The following STK32A variants were observed in gnomAD, a reference collection of about 807,000 sequenced individuals.
STK32A encodes the protein serine/threonine kinase 32A, also known as serine/threonine-protein kinase 32A.
In STK32A, 41 loss-of-function variants were observed where a neutral mutation model predicts 53.2. The ratio of observed to expected loss-of-function variants is 0.77; its 90% confidence interval spans 0.60 to 1.00. STK32A has a LOEUF of 1.00. Among genes scored for constraint, STK32A ranks in the 50% least tolerant of loss-of-function variants. The pLI is 0.00. For missense variants in STK32A, 458 were observed against 485.8 expected (o/e 0.94, Z 0.54); for synonymous variants, 166 against 162.8 (o/e 1.02, Z -0.15).
At chr5:147,378,219 C>T (rs557236919) in intron 11 of STK32A, among the ~76,000 whole-genome samples, 1 of 152,154 alleles carries the variant, frequency 6.6e-6, no homozygotes, top group South Asian at 2.1e-4. Context: ...GCTCACTGGA[C>T]CTGAGTGAAG....
In STK32A at chr5:147,332,949, G is replaced by C. The variant is rs184711691; in HGVS notation, c.434+8878G>C. Among the ~76,000 whole-genome samples the C allele has an allele frequency of 1.8e-3, 269 of 152,318 alleles. 4 individuals carry two copies. Among genetic ancestry groups the C allele is most frequent in the Non-Finnish European group, 2.5e-4 (17 of 68,026 alleles). Reference sequence around the variant, plus strand: ...CCCATGTGAAAAGGCAAAGAGAACTGTCTGTGTACAGGTTAACATTTAACT... The same window carrying C: ...CCCATGTGAAAAGGCAAAGAGAACTCTCTGTGTACAGGTTAACATTTAACT... On this transcript the variant is annotated intron_variant, in intron 5 of 12. Coordinates refer to ENST00000397936, the MANE Select transcript of STK32A (RefSeq NM_001112724.2).
At chr5:147,364,232 A>AG (rs934836734) in intron 8 of STK32A, among the ~76,000 whole-genome samples, 7 of 151,760 alleles carry the variant, frequency 4.6e-5, no homozygotes, top group South Asian at 2.1e-4. Context: ...AAAAAAAAAA[A>AG]AAAGAAATCT....
downstream of STK32A, among the ~76,000 whole-genome samples, chr5:147,389,656 G>C (rs1217946035): frequency 1.3e-5 from 2 of 152,114 alleles, no homozygotes; most frequent in African/African-American, 4.8e-5. Flanking sequence ...ATTACTTGAG[G>C]TCAGGAGTTC....
At chr5:147,299,937 G>T (rs549294169) in intron 4 of STK32A, among the ~76,000 whole-genome samples, 1 of 152,234 alleles carries the variant, frequency 6.6e-6, no homozygotes, top group South Asian at 2.1e-4. Flanking sequence ...CCATACTCCT[G>T]TCTCTCTGGG....
chr5:147,397,396 T>C, the STK32A span, among the ~76,000 whole-genome samples: 1 of 152,318 alleles, frequency 6.6e-6, no homozygotes, highest in South Asian at 2.1e-4. Context: ...GGCCTTATTT[T>C]GAATTATTCG....
intron 6 of STK32A, chr5:147,348,622 C>G: frequency 1.4e-6 from 1 of 732,834 alleles, no homozygotes; most frequent in Non-Finnish European, 2.6e-6. Context: ...GAAATCTATG[C>G]AGACTAAAGT....
At chr5:147,270,251 C>CTGGG (rs1754972195) in intron 2 of STK32A, among the ~76,000 whole-genome samples, 1 of 152,108 alleles carries the variant, frequency 6.6e-6, no homozygotes, top group Non-Finnish European at 1.5e-5. Context: ...GTCACCCAGG[C>CTGGG]TGGGGTGCAG....
intron 7 of STK32A, 139 bp from the exon 8 acceptor site, chr5:147,361,378 A>G: frequency 2.9e-6 from 2 of 686,818 alleles, no homozygotes; most frequent in South Asian, 1.6e-5. Flanking sequence ...GCTGTGAGCA[A>G]TCTAGCAACG....
At chr5:147,340,190 G>C (rs1755336731) in intron 5 of STK32A, among the ~76,000 whole-genome samples, 1 of 152,132 alleles carries the variant, frequency 6.6e-6, no homozygotes, top group Non-Finnish European at 1.5e-5. Flanking sequence ...CTTCTTCACT[G>C]CATCTTATTT....
chr5:147,256,811 C>T (rs1428490601), intron 2 of STK32A, among the ~76,000 whole-genome samples: 1 of 152,148 alleles, frequency 6.6e-6, no homozygotes, highest in Admixed American at 6.6e-5. Flanking sequence ...CGAGCCTGAC[C>T]TGTTTTAAGT....
At chr5:147,399,144 T>A in the STK32A span, 1 of 1,614,230 alleles carries the variant, frequency 6.2e-7, no homozygotes, top group Non-Finnish European at 8.5e-7. Flanking sequence ...ACGAGGTCGC[T>A]GTCAGAACCC....
At chr5:147,371,538 A>C (rs1220050183) in intron 9 of STK32A, among the ~76,000 whole-genome samples, 1 of 152,108 alleles carries the variant, frequency 6.6e-6, no homozygotes, top group Non-Finnish European at 1.5e-5. Flanking sequence ...CTCCAATCCT[A>C]GTTCCTCCAG....
At chr5:147,317,323 C>CTTTTTTTTTTTTTTTTTTTTTTT (rs3064294) in intron 4 of STK32A, among the ~76,000 whole-genome samples, 1 of 81,310 alleles carries the variant, frequency 1.2e-5, no homozygotes, top group African/African-American at 5.0e-5. Context: ...CTTTTTCTTT[C>CTTTTTTTTTTTTTTTTTTTTTTT]TTTTTTTTTT....
chr5:147,277,041 C>G (rs187539975), intron 2 of STK32A, among the ~76,000 whole-genome samples: 1 of 152,168 alleles, frequency 6.6e-6, no homozygotes, highest in Admixed American at 6.5e-5. Flanking sequence ...ATGTTTGACT[C>G]TCAGATATCT....
rs575341324 is a variant in STK32A at position 147,368,567 on chromosome 5, C to T, written c.661-2087C>T. Among the ~76,000 whole-genome samples, 6 of 151,896 alleles carry T rather than the reference C, an allele frequency of 4.0e-5. No homozygotes were observed. In the South Asian group the frequency reaches 8.3e-4, roughly 21 times the overall value. On this transcript the variant is annotated intron_variant, in intron 8 of 12. Transcript: ENST00000397936. ...CTTGTTCTTCATTGTACCCTCAATG[C>T]CTAAGAAAGGTGCTGGAACATGGTA...
At chr5:147,363,268 A>G (rs572144470) in intron 8 of STK32A, among the ~76,000 whole-genome samples, 1 of 152,234 alleles carries the variant, frequency 6.6e-6, no homozygotes, top group African/African-American at 2.4e-5. Flanking sequence ...AAATTCTATT[A>G]TATCTTAAAA....
chr5:147,384,326 A>C lies in STK32A; in HGVS notation c.*343A>C. 1.4e-6 allele frequency: 2 copies of C among 1,439,722 alleles called. No individual in the cohort carries two copies. The highest frequency in any genetic ancestry group is 1.9e-4 in the Middle Eastern group (1 of 5,324). The allele number at this position is 1,439,722 out of a possible 1,614,324, so 89.2% of individuals were successfully genotyped here. On this transcript the variant is annotated 3_prime_UTR_variant, in exon 13 of 13. Coordinates refer to ENST00000397936, the MANE Select transcript of STK32A (RefSeq NM_001112724.2). Reference sequence around the variant, plus strand: ...AAACCGCCTTTATTTTTATTTTAAAATTAATATATGAATATAGATTTATTT... The same window carrying C: ...AAACCGCCTTTATTTTTATTTTAAACTTAATATATGAATATAGATTTATTT...
At chr5:147,303,549 G>C (rs2151967163) in intron 4 of STK32A, among the ~76,000 whole-genome samples, 1 of 152,278 alleles carries the variant, frequency 6.6e-6, no homozygotes, top group South Asian at 2.1e-4. Context: ...TGTAGAAATA[G>C]GCTCCACTTC....
chr5:147,286,309 C>T (rs1752335025), intron 4 of STK32A, among the ~76,000 whole-genome samples: 1 of 152,062 alleles, frequency 6.6e-6, no homozygotes, highest in African/African-American at 2.4e-5. Flanking sequence ...TACAAGACTA[C>T]AAATGTGGTG....
Sources: allele counts gnomAD v4.1 joint callset (sites outside exome capture counted in the v4.1 genomes callset), GRCh38; gene constraint gnomAD v4.1.1; transcripts MANE v1.5; gene names NCBI Gene and HGNC (gene_info 2026-07-23, HGNC 2026-07-21).